Variants in EFEMP2 observed in about 807,000 individuals in gnomAD.
EFEMP2 encodes the protein EGF-containing fibulin-like extracellular matrix protein 2.
Under a neutral mutation model 55.3 loss-of-function variants are expected in EFEMP2, and 21 were observed. That is an observed-to-expected ratio of 0.38 (90% CI 0.27 to 0.55). The LOEUF (loss-of-function observed/expected upper bound fraction) is 0.55. Among genes scored for constraint, EFEMP2 ranks in the 20% least tolerant of loss-of-function variants. The pLI is 0.77. For missense variants in EFEMP2, 513 were observed against 615.1 expected, an observed-to-expected ratio of 0.83 and a Z score of 1.76; for synonymous variants, 275 against 242.3, an observed-to-expected ratio of 1.14 and a Z score of -1.25.
At position 65,867,059 on chromosome 11, in the gene EFEMP2, G is replaced by A; in HGVS notation, c.1191C>T (p.Ala397=). ...TCACCGGCCGGGCGAGGACCAGCAT[G>A]GCGCTGACGTTGTTGATTTGCTGCA... The part of the protein sequence containing the change: ...FYIRQINNVS[A]MLVLARPVTG... The change falls in exon 11 of 11, where the codon GCC becomes GCT. Residue 397 remains alanine, a synonymous_variant. Coordinates refer to ENST00000307998, the MANE Select transcript of EFEMP2 (RefSeq NM_016938.5). 6.2e-7 allele frequency: 1 copy of A among 1,614,138 alleles called. No homozygotes were observed. Among genetic ancestry groups the A allele is most frequent in the East Asian group, 2.2e-5 (1 of 44,876 alleles).
At position 65,868,432 on chromosome 11, in the gene EFEMP2, G is replaced by C. The variant is rs776698728; in HGVS notation, c.848-11C>G. The C allele has an allele frequency of 3.7e-6, 6 of 1,613,960 alleles. 1 individual carries two copies. The highest frequency in any genetic ancestry group is 3.3e-5 in the South Asian group (3 of 91,086). On this transcript the variant is annotated splice_polypyrimidine_tract_variant and intron_variant, in intron 8 of 10. Transcript: ENST00000307998. ...CACACTCATCAATGTCTGTGCCAGG[G>C]GAGAGGGGCTGGAATCGGGGGCGTC...
Position 65,872,366 on chromosome 11 carries a change from G to C in EFEMP2, c.-7-5C>G, listed in dbSNP as rs374767414. On this transcript the variant is annotated splice_region_variant and splice_polypyrimidine_tract_variant and intron_variant, in intron 1 of 10. Coordinates refer to ENST00000307998, the MANE Select transcript of EFEMP2 (RefSeq NM_016938.5). ...GCGCAGGGGAGCATCCTGGGGCTGC[G>C]AGATGGTGGACACGGGTCAGGGGCC... 4.7e-5 allele frequency: 73 copies of C among 1,540,220 alleles called. 1 individual carries two copies. The South Asian group carries it at 8.1e-4, about 17-fold the overall frequency.
intron 1 of EFEMP2, 104 bp from the exon 2 acceptor site, chr11:65,872,465 G>A (rs1859982807): frequency 1.2e-6 from 1 of 808,114 alleles, no homozygotes; most frequent in East Asian, 2.7e-5. Context: ...TCAGGACCGT[G>A]CTTGGGCCTC....
chr11:65,868,154 A>G (rs1236447821), intron 9 of EFEMP2, 98 bp from the exon 10 acceptor site: 1 of 1,557,994 alleles, frequency 6.4e-7, no homozygotes, highest in African/African-American at 1.4e-5. Context: ...GGACCCTTCT[A>G]CCCCTGTGAC....
At chr11:65,867,816 C>G (rs764916215) in intron 10 of EFEMP2, 45 bp downstream of exon 10, 46 of 1,606,684 alleles carry the variant, frequency 2.9e-5, no homozygotes, top group Non-Finnish European at 3.8e-5. Context: ...TCCTGGAGTT[C>G]AGTTTTAGAT....
rs1294797610 is a variant in EFEMP2, at chr11:65,867,920, C to T, written c.1111G>A (p.Gly371Ser). Residue 371 changes from glycine to serine, a missense_variant, in exon 10 of 11, where the codon GGT (glycine) becomes AGT (serine). By Grantham distance (56) the Gly-to-Ser change is moderately conservative. Transcript: ENST00000307998. Reference protein sequence around the residue: ...FQIQATSVYPGAYNAFQIRAG... With the variant: ...FQIQATSVYPSAYNAFQIRAG... ...CGGATCTGAAAGGCATTGTAGGCAC[C>T]GGGGTAGACGGAGGTCGCCTGGATC... 1.2e-6 allele frequency: 2 copies of T among 1,614,016 alleles called. No homozygotes were observed. The highest frequency in any genetic ancestry group is 1.7e-6 in the Non-Finnish European group (2 of 1,180,052).
chr11:65,872,418 T>C, intron 1 of EFEMP2, 57 bp from the exon 2 acceptor site: 1 of 1,234,296 alleles, frequency 8.1e-7, no homozygotes, highest in Non-Finnish European at 1.2e-6. Flanking sequence ...CAACTCCCTG[T>C]ACCGGGAGCC....
rs201469267 is a variant in EFEMP2, at chr11:65,872,235, T to C, written c.111+9A>G. On this transcript the variant is annotated intron_variant, in intron 2 of 10. Coordinates refer to ENST00000307998, the MANE Select transcript of EFEMP2 (RefSeq NM_016938.5). ...CCTGTCCCAGGCCAGCGGCCCTCACTGTCCCCACCGTGTAGCTGTCGGGCT... is the reference window on the plus strand; with the variant it reads ...CCTGTCCCAGGCCAGCGGCCCTCACCGTCCCCACCGTGTAGCTGTCGGGCT... 1 of 1,550,576 alleles carries C rather than the reference T, an allele frequency of 6.4e-7. No individual in the cohort carries two copies. The highest frequency in any genetic ancestry group is 2.4e-5 in the East Asian group (1 of 40,894).
chr11:65,866,744 C>T lies in EFEMP2; in HGVS notation c.*174G>A, dbSNP rs762945459. The T allele has an allele frequency of 7.7e-5, 64 of 834,072 alleles. No individual in the cohort carries two copies. The South Asian group carries it at 8.7e-4, about 11-fold the overall frequency. The allele number at this position is 834,072 out of a possible 1,614,324, so 51.7% of individuals were successfully genotyped here. On this transcript the variant is annotated 3_prime_UTR_variant, in exon 11 of 11. Transcript: ENST00000307998. ...ATATAGAGACCCCCATTTAGGTGAA[C>T]TTGGCCTGCCCCCCCAAGTGCCACC... is the stretch of plus-strand genomic sequence containing the variant.
intron 8 of EFEMP2, 31 bp downstream of exon 8, chr11:65,868,479 G>A (rs748369626): frequency 1.1e-4 from 184 of 1,613,710 alleles, no homozygotes; most frequent in Non-Finnish European, 1.4e-4. Context: ...TCCTGACACC[G>A]TCCTGCCCAT....
At position 65,867,839 on chromosome 11, in the gene EFEMP2, T is replaced by C. The variant is rs201261531; in HGVS notation, c.1170+22A>G. The stretch of plus-strand genomic sequence containing the variant: ...TTCAGTTTTAGATTGTGCATGTCAG[T>C]TGAGGGTTGCAGAAACCTTACCCTA... On this transcript the variant is annotated intron_variant, in intron 10 of 10. Transcript: ENST00000307998. 414 of 1,613,114 alleles carry C rather than the reference T, an allele frequency of 2.6e-4. 2 individuals carry two copies. The highest frequency in any genetic ancestry group is 3.9e-5 in the Non-Finnish European group (46 of 1,179,230).
At position 65,871,987 on chromosome 11, in the gene EFEMP2, T is replaced by G. The variant is rs1859972439; in HGVS notation, c.143A>C (p.Asp48Ala). ...ECTDGYEWDP[D>A]SQHCRDVNEC... ...ACACACACCCCGGCAGTGCTGGCTGTCTGGGTCCCACTCATAGCCATCTGT... is the reference window on the plus strand; with the variant it reads ...ACACACACCCCGGCAGTGCTGGCTGGCTGGGTCCCACTCATAGCCATCTGT... The change falls in exon 3 of 11, where the codon GAC (aspartate) becomes GCC (alanine). Residue 48 changes from aspartate to alanine, a missense_variant. Asp to Ala is a moderately radical substitution (Grantham distance 126). Transcript: ENST00000307998. 6.4e-7 allele frequency: 1 copy of G among 1,551,484 alleles called. No homozygotes were observed. The highest frequency in any genetic ancestry group is 1.4e-5 in the African/African-American group (1 of 72,994).
At position 65,872,680 on chromosome 11, in the gene EFEMP2, C is replaced by T; in HGVS notation, c.-8+3G>A. On this transcript the variant is annotated splice_donor_region_variant and intron_variant, in intron 1 of 10. Coordinates refer to ENST00000307998, the MANE Select transcript of EFEMP2 (RefSeq NM_016938.5). ...TCCCCCACGGACGGTCACAGCCACT[C>T]ACTTGGGCCCGCGACACCCCCGCGG... 1 of 346,148 alleles carries T rather than the reference C, an allele frequency of 2.9e-6. No individual in the cohort carries two copies. Among genetic ancestry groups the T allele is most frequent in the Non-Finnish European group, 5.7e-6 (1 of 175,290 alleles). The allele number at this position is 346,148 out of a possible 1,614,324, so 21.4% of individuals were successfully genotyped here.
intron 9 of EFEMP2, 61 bp from the exon 10 acceptor site, chr11:65,868,117 A>G (rs1859893981): frequency 1.3e-6 from 2 of 1,586,644 alleles, no homozygotes; most frequent in South Asian, 1.1e-5. Flanking sequence ...AATTTCTCCT[A>G]CCCTACAAAG....
In EFEMP2 at chr11:65,868,414, A is replaced by G. The variant is rs2134747902; in HGVS notation, c.855T>C (p.Asp285=). The change falls in exon 9 of 11, where the codon GAT becomes GAC. Residue 285 remains aspartate, a synonymous_variant. Coordinates refer to ENST00000307998, the MANE Select transcript of EFEMP2 (RefSeq NM_016938.5). The part of the protein sequence containing the change: ...LLATRLCQDI[D]ECESGAHQCS... ...ACTGGTGCGCACCAGACTCACACTC[A>G]TCAATGTCTGTGCCAGGGGAGAGGG... is the stretch of plus-strand genomic sequence containing the variant. 3.1e-6 allele frequency: 5 copies of G among 1,613,888 alleles called. No individual in the cohort carries two copies. The highest frequency in any genetic ancestry group is 1.6e-4 in the Middle Eastern group (1 of 6,062).
intron 5 of EFEMP2, 106 bp downstream of exon 5, chr11:65,870,430 G>T (rs1859945392): frequency 1.3e-6 from 2 of 1,548,032 alleles, no homozygotes; most frequent in Non-Finnish European, 1.8e-6. Flanking sequence ...GGGTGAGGTG[G>T]CAGGGGCCGG....
rs1555042933 is a variant in EFEMP2, at chr11:65,868,598, G to C, written c.759C>G (p.Leu253=). Residue 253 remains leucine, a synonymous_variant, in exon 8 of 11, where the codon CTC becomes CTG. Transcript: ENST00000307998. The stretch of plus-strand genomic sequence containing the variant: ...GCTCGTTGATGCAGCGGTACTGACA[G>C]AGGTAGCTGGAGTAGCTACACTCAT... ...DIDECSYSSY[L]CQYRCINEPG... 1 of 1,613,958 alleles carries C rather than the reference G, an allele frequency of 6.2e-7. No individual in the cohort carries two copies. The highest frequency in any genetic ancestry group is 8.5e-7 in the Non-Finnish European group (1 of 1,180,036).
Position 65,870,191 on chromosome 11 carries a change from G to A in EFEMP2, c.537C>T (p.Asn179=), listed in dbSNP as rs769039425. 6.2e-7 allele frequency: 1 copy of A among 1,613,830 alleles called. No individual in the cohort carries two copies. The highest frequency in any genetic ancestry group is 8.5e-7 in the Non-Finnish European group (1 of 1,180,014). The part of the protein sequence containing the change: ...RYRYCQHRCV[N]LPGSFRCQCE... ...ACTGGCAGCGGAAGGAGCCAGGCAGGTTCACGCAGCGGTGCTGGCAGTAGC... is the reference window on the plus strand; with the variant it reads ...ACTGGCAGCGGAAGGAGCCAGGCAGATTCACGCAGCGGTGCTGGCAGTAGC... Residue 179 remains asparagine, a synonymous_variant, in exon 6 of 11, where the codon AAC becomes AAT. Coordinates refer to ENST00000307998, the MANE Select transcript of EFEMP2 (RefSeq NM_016938.5).
intron 3 of EFEMP2, chr11:65,871,701 G>A (rs1375089326): frequency 3.3e-6 from 2 of 601,338 alleles, no homozygotes; most frequent in African/African-American, 1.9e-5. Flanking sequence ...AAAGAGCTGG[G>A]ACAGGAGAGT....
Sources: allele counts gnomAD v4.1 joint callset, GRCh38; gene constraint gnomAD v4.1.1; transcripts MANE v1.5; gene names NCBI Gene and HGNC (gene_info 2026-07-23, HGNC 2026-07-21).